NTM: variants seen among roughly 807,000 people sequenced by gnomAD.
NTM encodes IgLON family member 2.
In NTM, 13 loss-of-function variants were observed where a neutral mutation model predicts 42.1. The ratio of observed to expected loss-of-function variants is 0.31; its 90% CI spans 0.20 to 0.49. NTM has a LOEUF of 0.49. NTM is among the 20% of genes least tolerant of loss of function. NTM has a pLI of 0.99. For synonymous variants in NTM, 187 were observed against 179.2 expected, an observed-to-expected ratio of 1.04 and a Z score of -0.35; for missense variants, 373 against 452.8, an observed-to-expected ratio of 0.82 and a Z score of 1.60.
intron 3 of NTM, among the ~76,000 whole-genome samples, chr11:132,165,126 C>T (rs771771853): frequency 3.3e-5 from 5 of 152,106 alleles, no homozygotes; most frequent in African/African-American, 4.8e-5. Flanking sequence ...TATCCAACAC[C>T]GGCAAAGCTA....
intron 1 of NTM, among the ~76,000 whole-genome samples, chr11:131,724,652 C>T (rs1271039267): frequency 6.6e-6 from 1 of 152,176 alleles, no homozygotes. Flanking sequence ...AAACCCGCAG[C>T]CCCTCCGATG....
At chr11:131,920,929 G>A (rs1275394542) in intron 2 of NTM, among the ~76,000 whole-genome samples, 1 of 152,114 alleles carries the variant, frequency 6.6e-6, no homozygotes, top group Admixed American at 6.5e-5. Flanking sequence ...TAATGTGCTG[G>A]ATGAGTGAAA....
At chr11:131,917,981 C>T (rs908927734) in intron 2 of NTM, among the ~76,000 whole-genome samples, 1 of 152,238 alleles carries the variant, frequency 6.6e-6, no homozygotes, top group Non-Finnish European at 1.5e-5. Context: ...AGGGGGCCAG[C>T]TCAGTTCTCT....
chr11:131,798,035 C>G (rs2091762016), intron 1 of NTM, among the ~76,000 whole-genome samples: 1 of 152,004 alleles, frequency 6.6e-6, no homozygotes, highest in Admixed American at 6.6e-5. Flanking sequence ...GTCTAATGCC[C>G]TTTGGGGATA....
intron 1 of NTM, among the ~76,000 whole-genome samples, chr11:131,704,036 C>G (rs965601332): frequency 1.3e-5 from 2 of 151,904 alleles, no homozygotes; most frequent in African/African-American, 4.8e-5. Context: ...TCCAGGTTGG[C>G]TCATGTGGTT....
chr11:131,588,526 G>T (rs2059080100), intron 1 of NTM, among the ~76,000 whole-genome samples: 1 of 152,224 alleles, frequency 6.6e-6, no homozygotes, highest in East Asian at 1.9e-4. Context: ...ATATTTTATA[G>T]ATGCTGGATC....
intron 1 of NTM, among the ~76,000 whole-genome samples, chr11:131,520,494 G>A (rs567625865): frequency 2.0e-4 from 31 of 152,244 alleles, no homozygotes; most frequent in African/African-American, 7.0e-4. Context: ...TCTCTTTGAT[G>A]TCTGTCCAGC....
chr11:131,645,861 A>C (rs1240588553), intron 1 of NTM, among the ~76,000 whole-genome samples: 2 of 152,228 alleles, frequency 1.3e-5, no homozygotes, highest in African/African-American at 2.4e-5. Context: ...GGGTTGAATC[A>C]AGATCCTAAC....
intron 1 of NTM, among the ~76,000 whole-genome samples, chr11:131,631,589 TCCTC>T (rs1400622267): frequency 6.6e-6 from 1 of 152,242 alleles, no homozygotes; most frequent in Admixed American, 6.5e-5. Context: ...CTGTAGTACT[TCCTC>T]CCACGTTCCC....
intron 2 of NTM, among the ~76,000 whole-genome samples, chr11:131,971,644 G>A (rs892548479): frequency 6.6e-6 from 1 of 152,066 alleles, no homozygotes; most frequent in South Asian, 2.1e-4. Flanking sequence ...TGAGCTATGT[G>A]ACCTCAGTGA....
At chr11:131,749,326 T>C (rs925539115) in intron 1 of NTM, among the ~76,000 whole-genome samples, 3 of 152,096 alleles carry the variant, frequency 2.0e-5, no homozygotes, top group African/African-American at 7.2e-5. Context: ...GATACAGATA[T>C]CCACTCCCAG....
intron 1 of NTM, among the ~76,000 whole-genome samples, chr11:131,872,965 T>A (rs902093042): frequency 1.3e-5 from 2 of 152,158 alleles, no homozygotes; most frequent in African/African-American, 4.8e-5. Context: ...CCACCAACAA[T>A]GTAAAAACGT....
chr11:131,985,055 A>G (rs2065855238), intron 2 of NTM, among the ~76,000 whole-genome samples: 1 of 152,078 alleles, frequency 6.6e-6, no homozygotes. Context: ...ACATTTCTGA[A>G]ATCAGTCTCT....
At chr11:132,143,104 G>A (rs139303052) in intron 2 of NTM, among the ~76,000 whole-genome samples, 1 of 152,178 alleles carries the variant, frequency 6.6e-6, no homozygotes, top group Admixed American at 6.5e-5. Flanking sequence ...CTGAACATAT[G>A]GGTTACAGGA....
intron 1 of NTM, among the ~76,000 whole-genome samples, chr11:131,654,792 G>A (rs1307552820): frequency 1.3e-5 from 2 of 152,146 alleles, no homozygotes; most frequent in African/African-American, 4.8e-5. Context: ...TGCCATGAGT[G>A]GAAGCTCCCT....
chr11:131,847,024 T>C (rs1359281700), intron 1 of NTM, among the ~76,000 whole-genome samples: 1 of 152,144 alleles, frequency 6.6e-6, no homozygotes, highest in Non-Finnish European at 1.5e-5. Flanking sequence ...AGTAGGAACT[T>C]GATCATGATG....
intron 2 of NTM, among the ~76,000 whole-genome samples, chr11:132,105,824 T>G (rs1481267405): frequency 2.0e-5 from 3 of 152,146 alleles, no homozygotes; most frequent in African/African-American, 7.2e-5. Flanking sequence ...TCTAACCATC[T>G]TCTCCGTTTT....
intron 4 of NTM, among the ~76,000 whole-genome samples, chr11:132,265,361 C>T (rs1404016473): frequency 6.6e-6 from 1 of 152,158 alleles, no homozygotes; most frequent in East Asian, 1.9e-4. Context: ...TGCCATTTTC[C>T]AGCCATGAGA....
intron 1 of NTM, among the ~76,000 whole-genome samples, chr11:131,845,012 A>C (rs964359270): frequency 2.0e-5 from 3 of 152,116 alleles, no homozygotes; most frequent in African/African-American, 7.2e-5. Context: ...GCAAATAAGC[A>C]TCCTTGCTTT....
Sources: allele counts gnomAD v4.1 joint callset (sites outside exome capture counted in the v4.1 genomes callset), GRCh38; gene constraint gnomAD v4.1.1; transcripts MANE v1.5; gene names NCBI Gene and HGNC (gene_info 2026-07-23, HGNC 2026-07-21).